AP3B1: variants seen among roughly 807,000 people sequenced by gnomAD.
The protein encoded by AP3B1 is adaptor related protein complex 3 subunit beta 1.
A neutral mutation model predicts 132.5 loss-of-function variants in AP3B1; 61 were observed. That is an observed-to-expected ratio of 0.46 (90% CI 0.37 to 0.57). The LOEUF is 0.57. AP3B1 is among the 20% of genes least tolerant of loss of function. The pLI is 0.00. For synonymous variants in AP3B1, 388 were observed against 438.3 expected, an observed-to-expected ratio of 0.89 and a Z score of 1.43; for missense variants, 1,120 against 1,289.4, an observed-to-expected ratio of 0.87 and a Z score of 2.01.
intron 22 of AP3B1, among the ~76,000 whole-genome samples, chr5:78,053,438 T>C (rs1185753261): frequency 6.6e-6 from 1 of 152,064 alleles, no homozygotes; most frequent in Non-Finnish European, 1.5e-5. Context: ...TCTCAGCACT[T>C]TGGGAGACCG....
intron 11 of AP3B1, among the ~76,000 whole-genome samples, chr5:78,173,512 T>C (rs1744014097): frequency 6.6e-6 from 1 of 152,126 alleles, no homozygotes; most frequent in South Asian, 2.1e-4. Flanking sequence ...CATTATGTAA[T>C]GGCCTTCTGA....
chr5:78,257,429 C>A (rs1333014287), intron 2 of AP3B1, among the ~76,000 whole-genome samples: 2 of 151,986 alleles, frequency 1.3e-5, no homozygotes, highest in South Asian at 4.1e-4. Context: ...ACTAGCCACA[C>A]ACAAAATTAA....
At chr5:78,172,075 C>G (rs937024782) in intron 11 of AP3B1, among the ~76,000 whole-genome samples, 1 of 152,148 alleles carries the variant, frequency 6.6e-6, no homozygotes, top group Non-Finnish European at 1.5e-5. Flanking sequence ...AGCCTTGCAT[C>G]CCAGGGAAGA....
At chr5:78,080,335 A>G (rs1467493802) in intron 22 of AP3B1, among the ~76,000 whole-genome samples, 2 of 152,060 alleles carry the variant, frequency 1.3e-5, no homozygotes, top group African/African-American at 4.8e-5. Context: ...ATTGTTTTTG[A>G]GATTTGTCTA....
rs756711697 is a variant in AP3B1 at position 78,228,193 on chromosome 5, T to A, written c.326A>T (p.Gln109Leu). ...TATGGACAGGAGTGCAAGATCCTGC[T>A]GTTCTTCAGCATATCGAACCAGGTA... Reference protein sequence around the residue: ...YVYLVRYAEEQQDLALLSIST... With the variant: ...YVYLVRYAEELQDLALLSIST... The change falls in exon 4 of 27, where the codon CAG becomes CTG. Residue 109 changes from glutamine (Q) to leucine (L), a missense_variant. Physicochemically the swap from Gln to Leu is moderately radical, Grantham distance 113. This residue lies in a region of AP3B1 where 129 missense variants were observed against 212.4 expected (regional missense o/e 0.61). Transcript: ENST00000255194. 11 of 1,612,052 alleles carry A rather than the reference T, an allele frequency of 6.8e-6. No homozygotes were observed. Among genetic ancestry groups the A allele is most frequent in the Non-Finnish European group, 8.5e-6 (10 of 1,179,298 alleles).
chr5:78,043,830 G>A, intron 22 of AP3B1: 2 of 366,552 alleles, frequency 5.5e-6, no homozygotes, highest in Non-Finnish European at 5.4e-6. Context: ...TAGTACCAGG[G>A]AATACACCCT....
chr5:78,101,979 T>G (rs182429757), intron 20 of AP3B1, among the ~76,000 whole-genome samples: 1 of 152,226 alleles, frequency 6.6e-6, no homozygotes. Context: ...ATTTAATCAT[T>G]CATTCATTCA....
chr5:78,049,737 C>T (rs1303214656), intron 22 of AP3B1, among the ~76,000 whole-genome samples: 1 of 152,136 alleles, frequency 6.6e-6, no homozygotes, highest in Non-Finnish European at 1.5e-5. Flanking sequence ...TTGTTCCTAC[C>T]CCTGCATCTT....
intron 25 of AP3B1, among the ~76,000 whole-genome samples, chr5:78,016,180 A>G (rs1350548234): frequency 6.7e-6 from 1 of 148,694 alleles, no homozygotes; most frequent in African/African-American, 2.4e-5. Flanking sequence ...TCCTGAAGCA[A>G]AAACTTTGAA....
At chr5:78,226,672 C>A (rs1338823180) in intron 5 of AP3B1, among the ~76,000 whole-genome samples, 1 of 151,978 alleles carries the variant, frequency 6.6e-6, no homozygotes, top group Non-Finnish European at 1.5e-5. Flanking sequence ...CATCTAAATA[C>A]ACATAGCACA....
At chr5:78,188,672 T>C (rs1744703157) in intron 7 of AP3B1, among the ~76,000 whole-genome samples, 1 of 152,288 alleles carries the variant, frequency 6.6e-6, no homozygotes, top group East Asian at 1.9e-4. Context: ...AATGTGCTGA[T>C]TCCTCAAAGA....
intron 11 of AP3B1, among the ~76,000 whole-genome samples, chr5:78,172,043 A>T (rs1405438301): frequency 6.6e-6 from 1 of 152,168 alleles, no homozygotes; most frequent in Non-Finnish European, 1.5e-5. Context: ...GATTACATTT[A>T]TTGATTTGCA....
chr5:78,009,074 AT>A (rs1457294696), intron 26 of AP3B1, among the ~76,000 whole-genome samples: 2 of 152,204 alleles, frequency 1.3e-5, no homozygotes, highest in African/African-American at 2.4e-5. Flanking sequence ...GATACCAAAA[AT>A]AATGTGTACC....
At chr5:78,178,360 C>T (rs1415743428) in intron 8 of AP3B1, among the ~76,000 whole-genome samples, 3 of 152,284 alleles carry the variant, frequency 2.0e-5, no homozygotes, top group East Asian at 3.9e-4. Context: ...CAGTGGCTCA[C>T]GCCTGTACTC....
intron 17 of AP3B1, among the ~76,000 whole-genome samples, chr5:78,116,450 A>T (rs554131478): frequency 5.7e-4 from 87 of 152,296 alleles, no homozygotes; most frequent in African/African-American, 2.1e-3. Context: ...TTAAACCAAC[A>T]ATCTTATTTT....
intron 17 of AP3B1, among the ~76,000 whole-genome samples, chr5:78,127,766 G>C (rs1247206047): frequency 6.6e-6 from 1 of 152,104 alleles, no homozygotes; most frequent in Non-Finnish European, 1.5e-5. Context: ...GGCTACAAAT[G>C]CAATAGCACA....
chr5:78,159,324 T>A (rs1743291408), intron 13 of AP3B1, among the ~76,000 whole-genome samples: 1 of 152,190 alleles, frequency 6.6e-6, no homozygotes, highest in Non-Finnish European at 1.5e-5. Flanking sequence ...CTACATTAGT[T>A]TCCTATTGTT....
chr5:78,094,123 G>C lies in AP3B1; in HGVS notation c.2471-4624C>G, dbSNP rs1270255215. 2.0e-5 allele frequency among the ~76,000 whole-genome samples: 3 copies of C among 152,272 alleles called. No homozygotes were observed. In the East Asian group the frequency reaches 5.8e-4, roughly 29 times the overall value. ...ACATAGGTTTACATTTCCTATAAAA[G>C]AACACTAGAATATGATCACTGATTT... is the stretch of plus-strand genomic sequence containing the variant. On this transcript the variant is annotated intron_variant, in intron 21 of 26. Transcript: ENST00000255194.
At chr5:78,128,250 A>G (rs558471259) in intron 16 of AP3B1, 90 bp from the exon 17 acceptor site, 1 of 1,166,744 alleles carries the variant, frequency 8.6e-7, no homozygotes, top group South Asian at 1.3e-5. Context: ...TAATTGGCAT[A>G]TTACCTCAAA....
Sources: allele counts gnomAD v4.1 joint callset (sites outside exome capture counted in the v4.1 genomes callset), GRCh38; gene constraint gnomAD v4.1.1; regional missense constraint gnomAD v4.1.1; transcripts MANE v1.5; gene names NCBI Gene and HGNC (gene_info 2026-07-23, HGNC 2026-07-21).